The following SMARCD3 variants were observed in gnomAD, a reference collection of about 807,000 sequenced individuals.
SMARCD3 encodes the protein SWI/SNF related BAF chromatin remodeling complex subunit D3.
Under a neutral mutation model 58.0 loss-of-function variants are expected in SMARCD3, and 14 were observed. That is an observed-to-expected ratio of 0.24 (90% confidence interval 0.16 to 0.38). The LOEUF (loss-of-function observed/expected upper bound fraction) is 0.38. SMARCD3 is among the 10% of genes least tolerant of loss of function. SMARCD3 has a pLI of 1.00. For synonymous variants in SMARCD3, 253 were observed against 253.8 expected (o/e 1.00, Z 0.03); for missense variants, 408 against 636.9 (o/e 0.64, Z 3.87).
chr7:151,242,863 G>T lies in SMARCD3; in HGVS notation c.334-20C>A, dbSNP rs762660482. ...CCGAATCTGGAGAAGGAGGAGCAGG[G>T]CAGGAGTCAGAGGCTCAAGTCCAGG... On this transcript the variant is annotated intron_variant, in intron 3 of 12. Transcript: ENST00000262188. This position sits in a 1 kb window ranked among gnomAD's most constrained non-coding sequence, Gnocchi z 4.7. 2 of 1,613,656 alleles carry T rather than the reference G, an allele frequency of 1.2e-6. No individual in the cohort carries two copies. Among genetic ancestry groups the T allele is most frequent in the Non-Finnish European group, 1.7e-6 (2 of 1,179,788 alleles).
rs1296352854 is a variant in SMARCD3, at chr7:151,242,049, G to GT, written c.676-72dup. 5 of 1,540,002 alleles carry GT rather than the reference G, an allele frequency of 3.2e-6. No homozygotes were observed. The highest frequency in any genetic ancestry group is 3.6e-6 in the Non-Finnish European group (4 of 1,113,600). ...TGGTGGGGCCCAGGACTCTAGGGTGGTCCCTGACCCAAATCTGTGCTGGTT... is the reference window on the plus strand; with the variant it reads ...TGGTGGGGCCCAGGACTCTAGGGTGGTTCCCTGACCCAAATCTGTGCTGGTT... On this transcript the variant is annotated intron_variant, in intron 6 of 12. Coordinates refer to ENST00000262188, the MANE Select transcript of SMARCD3 (RefSeq NM_001003801.2). This position sits in a 1 kb window ranked among gnomAD's most constrained non-coding sequence, Gnocchi z 4.7.
In SMARCD3 at chr7:151,241,393, A is replaced by G. The variant is rs769640011; in HGVS notation, c.939+99T>C. 1 of 1,000,340 alleles carries G rather than the reference A, an allele frequency of 1.0e-6. No homozygotes were observed. The highest frequency in any genetic ancestry group is 1.6e-5 in the African/African-American group (1 of 62,800). The allele number at this position is 1,000,340 out of a possible 1,614,324, so 62.0% of individuals were successfully genotyped here. A position where few individuals can be genotyped will look rare whatever the true frequency, so the allele number is the denominator to read the frequency against. On this transcript the variant is annotated intron_variant, in intron 8 of 12. Transcript: ENST00000262188. The surrounding 1 kb of genome is among the most constrained non-coding windows in gnomAD (Gnocchi z 5.3). ...TGTGTACTGCTTCTGCTACTCAGGAATCTAGAAGGGAGGGGTGGTAGTTAC... is the reference window on the plus strand; with the variant it reads ...TGTGTACTGCTTCTGCTACTCAGGAGTCTAGAAGGGAGGGGTGGTAGTTAC...
chr7:151,240,543 A>G (rs751111589), intron 8 of SMARCD3, 21 bp from the exon 9 acceptor site: 24 of 1,547,168 alleles, frequency 1.6e-5, no homozygotes, highest in Non-Finnish European at 2.1e-5. Flanking sequence ...ACAATTGGGG[A>G]GAGAGAGATC....
chr7:151,241,730 G>T lies in SMARCD3; in HGVS notation c.778-77C>A, dbSNP rs1303153116. The T allele has an allele frequency of 5.5e-6, 8 of 1,451,244 alleles. No individual in the cohort carries two copies. The highest frequency in any genetic ancestry group is 7.6e-6 in the Non-Finnish European group (8 of 1,049,426). 89.9% of individuals were successfully genotyped at this position (1,451,244 alleles called of 1,614,324 possible). On this transcript the variant is annotated intron_variant, in intron 7 of 12. Transcript: ENST00000262188. This position sits in a 1 kb window ranked among gnomAD's most constrained non-coding sequence, Gnocchi z 5.3. ...CCCAGGGCCAGGCCATTCAGGACTA[G>T]GGGGATGTGTTGATTGAGGAAACAT...
intron 2 of SMARCD3, among the ~76,000 whole-genome samples, chr7:151,253,825 G>A (rs1023993428): frequency 0.083 from 3 of 36 alleles, no homozygotes; most frequent in African/African-American, 0.25. Flanking sequence ...CTTCCAGGGT[G>A]TGGCTCTGCT....
upstream of SMARCD3, among the ~76,000 whole-genome samples, chr7:151,252,312 C>A (rs142607695): frequency 7.2e-5 from 11 of 152,038 alleles, no homozygotes; most frequent in Non-Finnish European, 1.3e-4. Context: ...GGAGGGAGAA[C>A]GGATTGCTTG....
Position 151,242,628 on chromosome 7 carries a change from G to C in SMARCD3, c.457-25C>G. 1 of 1,612,100 alleles carries C rather than the reference G, an allele frequency of 6.2e-7. No homozygotes were observed. The highest frequency in any genetic ancestry group is 1.3e-5 in the African/African-American group (1 of 75,000). On this transcript the variant is annotated intron_variant, in intron 4 of 12. Coordinates refer to ENST00000262188, the MANE Select transcript of SMARCD3 (RefSeq NM_001003801.2). This position sits in a 1 kb window ranked among gnomAD's most constrained non-coding sequence, Gnocchi z 4.7. Reference sequence around the variant, plus strand: ...GCTGTAGAAATAGAGTGCAGAACCGGGCGAATGCTGTGTGCTCCCACCCCG... The same window carrying C: ...GCTGTAGAAATAGAGTGCAGAACCGCGCGAATGCTGTGTGCTCCCACCCCG...
intron 2 of SMARCD3, among the ~76,000 whole-genome samples, chr7:151,260,555 T>C (rs1235529708): frequency 6.6e-6 from 1 of 152,192 alleles, no homozygotes; most frequent in Non-Finnish European, 1.5e-5. Flanking sequence ...CTGGCTTCTG[T>C]GGTCCTCACA....
chr7:151,242,382 G>T lies in SMARCD3; in HGVS notation c.579+99C>A. 6.5e-7 allele frequency: 1 copy of T among 1,533,906 alleles called. No homozygotes were observed. The highest frequency in any genetic ancestry group is 9.0e-7 in the Non-Finnish European group (1 of 1,116,700). On this transcript the variant is annotated intron_variant, in intron 5 of 12. Coordinates refer to ENST00000262188, the MANE Select transcript of SMARCD3 (RefSeq NM_001003801.2). The surrounding 1 kb of genome is among the most constrained non-coding windows in gnomAD (Gnocchi z 4.7). The stretch of plus-strand genomic sequence containing the variant: ...CTAGGCCTGCCCCTCCACCCAGCCT[G>T]GGCTGACTCCCTAGCCCTTAGTGCA...
intron 2 of SMARCD3, among the ~76,000 whole-genome samples, chr7:151,270,689 G>A (rs1312146462): frequency 1.3e-5 from 2 of 152,206 alleles, no homozygotes; most frequent in Admixed American, 1.3e-4. Context: ...GCATGTGTGA[G>A]GGCCCTGAGT....
At chr7:151,273,447 C>T (rs1795239613) in intron 2 of SMARCD3, among the ~76,000 whole-genome samples, 1 of 152,208 alleles carries the variant, frequency 6.6e-6, no homozygotes, top group Non-Finnish European at 1.5e-5. Context: ...ACTTCAGGTG[C>T]ACCCCTCCAG....
exon 2 of SMARCD3, chr7:151,275,189 G>GC: frequency 1.3e-6 from 2 of 1,595,704 alleles, no homozygotes; most frequent in Non-Finnish European, 8.6e-7. Context: ...GTCATCCAGT[G>GC]CCCCCTCGGT....
At chr7:151,269,083 C>T in intron 2 of SMARCD3, among the ~76,000 whole-genome samples, 1 of 152,072 alleles carries the variant, frequency 6.6e-6, no homozygotes, top group East Asian at 1.9e-4. Context: ...ACATCCCTGC[C>T]CACTGAATGG....
At chr7:151,275,446 A>C (rs1326579023) in intron 1 of SMARCD3, among the ~76,000 whole-genome samples, 2 of 152,176 alleles carry the variant, frequency 1.3e-5, no homozygotes, top group Non-Finnish European at 2.9e-5. Context: ...AGGTGGGAGC[A>C]GTATGTGTGG....
rs192219127 is a variant in SMARCD3 at position 151,267,805 on chromosome 7, C to T, written c.39+7309G>A. Among the ~76,000 whole-genome samples, 8 of 152,210 alleles carry T rather than the reference C, an allele frequency of 5.3e-5. No homozygotes were observed. In the East Asian group the frequency reaches 1.2e-3, roughly 22 times the overall value. ...CAGCCTGGGCAAGATAGCAAGACTC[C>T]TCTCTACGAAAATTTAAATATATTA... On this transcript the variant is annotated intron_variant, in intron 2 of 13. Transcript: ENST00000356800.
intron 2 of SMARCD3, among the ~76,000 whole-genome samples, chr7:151,267,404 T>C (rs1795026344): frequency 6.6e-6 from 1 of 152,202 alleles, no homozygotes. Context: ...TTTCTGATCA[T>C]AAGGTCCGTG....
At position 151,248,516 on chromosome 7, in the gene SMARCD3, C is replaced by A. The variant is rs1371317225; in HGVS notation, c.47G>T (p.Ser16Ile). ...ATGGACCAGAAACTCAAAAAGTTTGCTTTTCGTGGCTTTGCGCGCCCCTCC... is the reference window on the plus strand; with the variant it reads ...ATGGACCAGAAACTCAAAAAGTTTGATTTTCGTGGCTTTGCGCGCCCCTCC... Reference protein sequence around the residue: ...VAGGARKATKSKLFEFLVHGV... With the variant: ...VAGGARKATKIKLFEFLVHGV... Residue 16 changes from serine to isoleucine, a missense_variant, in exon 1 of 13, where the codon AGC (serine) becomes ATC (isoleucine). Around this residue, in one of 4 missense-constraint regions of SMARCD3, gnomAD observed 84 missense variants for 81.2 expected, o/e 1.03. Coordinates refer to ENST00000262188, the MANE Select transcript of SMARCD3 (RefSeq NM_001003801.2). This position sits in a 1 kb window ranked among gnomAD's most constrained non-coding sequence, Gnocchi z 6.1. The A allele has an allele frequency of 6.2e-7, 1 of 1,613,370 alleles. No individual in the cohort carries two copies. The highest frequency in any genetic ancestry group is 1.7e-5 in the Admixed American group (1 of 59,990).
At chr7:151,270,790 G>A (rs998094551) in intron 2 of SMARCD3, among the ~76,000 whole-genome samples, 1 of 152,210 alleles carries the variant, frequency 6.6e-6, no homozygotes, top group Non-Finnish European at 1.5e-5. Flanking sequence ...GTGCTGGGCC[G>A]GGGTCTGATG....
chr7:151,267,330 T>A lies in SMARCD3; in HGVS notation c.39+7784A>T, dbSNP rs544604786. ...GACAGGAACACAAGGCGTAGAGAGT[T>A]CTTTAAAGACTGATTCAGAGCTGGA... On this transcript the variant is annotated intron_variant, in intron 2 of 13. Transcript: ENST00000356800. Among the ~76,000 whole-genome samples, 5 of 152,326 alleles carry A rather than the reference T, an allele frequency of 3.3e-5. No individual in the cohort carries two copies. In the South Asian group the frequency reaches 1.0e-3, roughly 32 times the overall value.
Sources: gnomAD v4.1 joint callset for allele counts (sites outside exome capture counted in the v4.1 genomes callset) on GRCh38, gnomAD v4.1.1 for gene constraint, gnomAD v4.1.1 regional missense constraint, Gnocchi (gnomAD v3.1) non-coding constraint, MANE v1.5 for transcripts, NCBI Gene and HGNC (gene_info 2026-07-23, HGNC 2026-07-21) for gene names.